Variants in B3GALT1 observed in about 807,000 individuals in gnomAD.
B3GALT1 encodes UDP-Gal:betaGlcNAc beta 1,3-galactosyltransferase, polypeptide 1.
A neutral mutation model predicts 23.2 loss-of-function variants in B3GALT1; 10 were observed. The ratio of observed to expected loss-of-function variants is 0.43; its 90% confidence interval spans 0.27 to 0.73. The LOEUF (loss-of-function observed/expected upper bound fraction) is 0.73. Among genes scored for constraint, B3GALT1 ranks in the 30% least tolerant of loss-of-function variants. The probability of loss-of-function intolerance (pLI) is 0.21; values close to 1 mark genes in which losing one functional copy is unlikely to be tolerated. For missense variants in B3GALT1, 299 were observed against 405.4 expected (o/e 0.74, Z 2.25); for synonymous variants, 156 against 141.5 (o/e 1.10, Z -0.73).
intron 1 of B3GALT1, among the ~76,000 whole-genome samples, chr2:167,385,827 C>A (rs1026671749): frequency 2.6e-5 from 4 of 152,148 alleles, no homozygotes; most frequent in South Asian, 2.1e-4. Flanking sequence ...CACTTTGCAG[C>A]TCGGCCTCAG....
At chr2:167,527,295 T>C (rs1242015522) in intron 2 of B3GALT1, among the ~76,000 whole-genome samples, 2 of 152,154 alleles carry the variant, frequency 1.3e-5, no homozygotes, top group Non-Finnish European at 2.9e-5. Context: ...ATTATGAACT[T>C]GGAAGAATCC....
chr2:167,570,337 T>G (rs1357112828), intron 2 of B3GALT1, among the ~76,000 whole-genome samples: 1 of 151,786 alleles, frequency 6.6e-6, no homozygotes, highest in Non-Finnish European at 1.5e-5. Context: ...ATTCAATTTC[T>G]GTAATAGATA....
intron 2 of B3GALT1, among the ~76,000 whole-genome samples, chr2:167,637,609 A>T (rs73015444): frequency 1.2e-4 from 18 of 151,942 alleles, no homozygotes; most frequent in Non-Finnish European, 2.5e-4. Flanking sequence ...ATTCCTTCCA[A>T]CTATATGCTT....
chr2:167,847,695 ACAAACCAAACC>A (rs1689790799), intron 4 of B3GALT1, among the ~76,000 whole-genome samples: 1 of 152,184 alleles, frequency 6.6e-6, no homozygotes, highest in African/African-American at 2.4e-5. Context: ...AGAAACAAGA[ACAAACCAAACC>A]CAAACCCATC....
intron 1 of B3GALT1, among the ~76,000 whole-genome samples, chr2:167,442,127 C>T (rs867487544): frequency 1.3e-5 from 2 of 150,708 alleles, no homozygotes; most frequent in Non-Finnish European, 1.5e-5. Flanking sequence ...AGAATATGCA[C>T]TGTTTGGTTT....
chr2:167,571,767 T>C (rs536011540), intron 2 of B3GALT1, among the ~76,000 whole-genome samples: 1 of 152,034 alleles, frequency 6.6e-6, no homozygotes, highest in East Asian at 1.9e-4. Flanking sequence ...CAGGTTTTGT[T>C]TGCAGTATAC....
chr2:167,798,805 G>A (rs2105337976), intron 3 of B3GALT1, among the ~76,000 whole-genome samples: 1 of 152,254 alleles, frequency 6.6e-6, no homozygotes, highest in East Asian at 1.9e-4. Flanking sequence ...AAGAGGCCAT[G>A]AAGTAAAGGA....
intron 1 of B3GALT1, among the ~76,000 whole-genome samples, chr2:167,337,155 T>G (rs1026646207): frequency 3.9e-5 from 6 of 152,164 alleles, no homozygotes; most frequent in Non-Finnish European, 7.3e-5. Context: ...TGTAAAGTTG[T>G]TCTTCAATTT....
intron 1 of B3GALT1, among the ~76,000 whole-genome samples, chr2:167,389,997 GA>G (rs1349322961): frequency 6.6e-6 from 1 of 151,812 alleles, no homozygotes; most frequent in African/African-American, 2.4e-5. Flanking sequence ...TTGTGACTGA[GA>G]GGGACATGAG....
chr2:167,642,410 G>A (rs56856553), intron 2 of B3GALT1, among the ~76,000 whole-genome samples: 13,494 of 152,176 alleles, frequency 0.089, 1,729 homozygotes, highest in African/African-American at 0.28. Context: ...TCAATGGACT[G>A]ATTAGTTGAA....
intron 2 of B3GALT1, among the ~76,000 whole-genome samples, chr2:167,538,724 C>T (rs1430254362): frequency 1.3e-5 from 2 of 152,152 alleles, no homozygotes; most frequent in Non-Finnish European, 2.9e-5. Context: ...TGGTATAACT[C>T]AAATCGTTTA....
intron 2 of B3GALT1, among the ~76,000 whole-genome samples, chr2:167,625,965 A>G (rs1433429601): frequency 7.7e-5 from 3 of 38,832 alleles, no homozygotes; most frequent in African/African-American, 2.1e-4. Context: ...ATATATATAT[A>G]TATATATATA....
intron 1 of B3GALT1, among the ~76,000 whole-genome samples, chr2:167,373,434 CTG>C (rs1400351507): frequency 6.6e-6 from 1 of 151,910 alleles, no homozygotes; most frequent in African/African-American, 2.4e-5. Flanking sequence ...AAGCCACAAA[CTG>C]AGAGTATTCT....
intron 2 of B3GALT1, among the ~76,000 whole-genome samples, chr2:167,580,246 A>C (rs911283676): frequency 1.3e-5 from 2 of 152,184 alleles, no homozygotes; most frequent in Non-Finnish European, 2.9e-5. Flanking sequence ...AAATTTAAAC[A>C]AAAATACTTA....
chr2:167,803,077 AACAAACACACACAC>A lies in B3GALT1; in HGVS notation c.-351-15591_-351-15578del, dbSNP rs1688668767. On this transcript the variant is annotated intron_variant, in intron 3 of 4. Transcript: ENST00000392690. ...CTGCTGACAATGTTCATTTGACCCT[AACAAACACACACAC>A]ACACACACACACACACACACACACA... Among the ~76,000 whole-genome samples the A allele has an allele frequency of 8.4e-5, 8 of 95,708 alleles. No individual in the cohort carries two copies. The South Asian group carries it at 2.8e-3, about 33-fold the overall frequency. The allele number at this position is 95,708 out of a possible 152,430, so 62.8% of individuals were successfully genotyped here. A position where few individuals can be genotyped will look rare whatever the true frequency, so the allele number is the denominator to read the frequency against.
chr2:167,412,370 A>G (rs1698405997), intron 1 of B3GALT1, among the ~76,000 whole-genome samples: 1 of 152,192 alleles, frequency 6.6e-6, no homozygotes, highest in African/African-American at 2.4e-5. Context: ...AAGGACTCTC[A>G]TATCTAGAAT....
intron 3 of B3GALT1, among the ~76,000 whole-genome samples, chr2:167,781,674 G>C (rs1391077788): frequency 1.3e-5 from 2 of 152,206 alleles, no homozygotes; most frequent in African/African-American, 4.8e-5. Flanking sequence ...ACCATGGTCA[G>C]TGTCTTCCAG....
At chr2:167,772,977 C>T (rs938392342) in intron 3 of B3GALT1, among the ~76,000 whole-genome samples, 1 of 152,126 alleles carries the variant, frequency 6.6e-6, no homozygotes, top group African/African-American at 2.4e-5. Flanking sequence ...TCAAAAATTT[C>T]TATGGGCTTC....
At chr2:167,408,488 A>T (rs1395354592) in intron 1 of B3GALT1, among the ~76,000 whole-genome samples, 1 of 152,166 alleles carries the variant, frequency 6.6e-6, no homozygotes, top group Non-Finnish European at 1.5e-5. Flanking sequence ...CACTATTTTT[A>T]TTGAACATAC....
Sources: allele counts gnomAD v4.1 joint callset (sites outside exome capture counted in the v4.1 genomes callset), GRCh38; gene constraint gnomAD v4.1.1; transcripts MANE v1.5; gene names NCBI Gene and HGNC (gene_info 2026-07-23, HGNC 2026-07-21).